MYO3B: variants seen among roughly 807,000 people sequenced by gnomAD.
MYO3B encodes myosin-IIIb.
In MYO3B, 156 loss-of-function variants were observed where a neutral mutation model predicts 174.6. The ratio of observed to expected loss-of-function variants is 0.89; its 90% CI spans 0.78 to 1.02. MYO3B has a LOEUF of 1.02. Among genes scored for constraint, MYO3B ranks in the 50% least tolerant of loss-of-function variants. MYO3B has a pLI of 0.00. For missense variants in MYO3B, 1,632 were observed against 1,639.4 expected (o/e 1.00, Z 0.08); for synonymous variants, 563 against 569.1 (o/e 0.99, Z 0.15).
Position 170,400,095 on chromosome 2 carries a change from T to A in MYO3B, c.1792-93T>A, listed in dbSNP as rs1360698807. ...CCAGGAAAAGAGGGAGAATGGACTT[T>A]GGTAGACAACTAGTAGTTTCCACTA... On this transcript the variant is annotated intron_variant, in intron 16 of 34. Transcript: ENST00000408978. 9.3e-5 allele frequency: 142 copies of A among 1,528,654 alleles called. 1 individual carries two copies. The highest frequency in any genetic ancestry group is 1.1e-4 in the Non-Finnish European group (119 of 1,117,062). The allele number at this position is 1,528,654 out of a possible 1,614,324, so 94.7% of individuals were successfully genotyped here.
intron 25 of MYO3B, among the ~76,000 whole-genome samples, chr2:170,472,006 AACTC>A (rs1412263484): frequency 6.6e-6 from 1 of 151,832 alleles, no homozygotes; most frequent in Non-Finnish European, 1.5e-5. Flanking sequence ...AAAAAAAAAA[AACTC>A]ACTTGACCAA....
chr2:170,453,456 G>C (rs62170688), intron 23 of MYO3B, among the ~76,000 whole-genome samples: 2 of 40,484 alleles, frequency 4.9e-5, no homozygotes, highest in African/African-American at 8.4e-5. Context: ...ACACACACGA[G>C]AGAGAGAGAG....
chr2:170,269,224 C>A (rs1238708671), intron 7 of MYO3B, among the ~76,000 whole-genome samples: 2 of 152,132 alleles, frequency 1.3e-5, no homozygotes, highest in Non-Finnish European at 2.9e-5. Context: ...AACATTTTTT[C>A]CTAGGCTCCA....
At chr2:170,600,808 A>G (rs1056088746) in intron 32 of MYO3B, among the ~76,000 whole-genome samples, 1 of 152,228 alleles carries the variant, frequency 6.6e-6, no homozygotes, top group African/African-American at 2.4e-5. Flanking sequence ...TAGAGTCCTC[A>G]TGTAAAGGAT....
chr2:170,497,991 A>G (rs908873810), intron 25 of MYO3B, among the ~76,000 whole-genome samples: 1 of 150,154 alleles, frequency 6.7e-6, no homozygotes, highest in African/African-American at 2.4e-5. Context: ...CCTTCACTAC[A>G]GTGTTCTTCT....
intron 23 of MYO3B, among the ~76,000 whole-genome samples, chr2:170,447,976 C>G (rs1222480515): frequency 1.3e-5 from 2 of 152,106 alleles, no homozygotes; most frequent in Non-Finnish European, 2.9e-5. Flanking sequence ...TCCATCGAGT[C>G]CAGGGTCTGT....
intron 18 of MYO3B, 84 bp downstream of exon 18, chr2:170,401,775 G>T: frequency 8.3e-7 from 1 of 1,211,746 alleles, no homozygotes; most frequent in Non-Finnish European, 1.2e-6. Context: ...GAAGCATTTG[G>T]TCCTCTCTGG....
intron 32 of MYO3B, chr2:170,641,366 T>C (rs1697933909): frequency 6.6e-6 from 1 of 152,226 alleles, no homozygotes; most frequent in African/African-American, 2.4e-5. Context: ...GAAGTGTATT[T>C]TGCTGCACAA....
intron 3 of MYO3B, among the ~76,000 whole-genome samples, chr2:170,209,051 C>T (rs929838981): frequency 2.6e-5 from 4 of 152,244 alleles, no homozygotes; most frequent in Non-Finnish European, 5.9e-5. Context: ...ACAGGTACTG[C>T]GTAGATAAGG....
intron 9 of MYO3B, among the ~76,000 whole-genome samples, chr2:170,370,323 T>C (rs1158484842): frequency 6.6e-6 from 1 of 152,166 alleles, no homozygotes; most frequent in African/African-American, 2.4e-5. Flanking sequence ...AAGCCAAACA[T>C]TGGCATCCAA....
rs60488052 is a variant in MYO3B, at chr2:170,507,100, C to A, written c.3370+5235C>A. 6.5e-3 allele frequency among the ~76,000 whole-genome samples: 984 copies of A among 152,338 alleles called. 12 individuals carry two copies. The highest frequency in any genetic ancestry group is 0.022 in the African/African-American group (918 of 41,586). On this transcript the variant is annotated intron_variant, in intron 28 of 34. Coordinates refer to ENST00000408978, the MANE Select transcript of MYO3B (RefSeq NM_138995.5). ...AAGACAAGATCCAAACTCTTCTTGG[C>A]CGTAGGGCAGGAGGCAGCTGCTTCT...
chr2:170,546,469 G>T (rs1472451532), intron 32 of MYO3B, among the ~76,000 whole-genome samples: 8 of 152,196 alleles, frequency 5.3e-5, no homozygotes, highest in Non-Finnish European at 5.9e-5. Flanking sequence ...TGTTTCTGAG[G>T]CAAGCTCCAA....
intron 23 of MYO3B, 133 bp downstream of exon 23, chr2:170,444,179 G>A (rs2094823579): frequency 1.7e-6 from 1 of 597,384 alleles, no homozygotes; most frequent in Non-Finnish European, 2.8e-6. Context: ...GAGATTAAAG[G>A]CATTTAGGAA....
chr2:170,215,279 T>G (rs2092815524), intron 5 of MYO3B, among the ~76,000 whole-genome samples: 1 of 152,180 alleles, frequency 6.6e-6, no homozygotes, highest in African/African-American at 2.4e-5. Context: ...GCTAACATCC[T>G]TTTAAATTGT....
intron 1 of MYO3B, among the ~76,000 whole-genome samples, chr2:170,190,757 C>T (rs936864385): frequency 1.3e-4 from 20 of 152,088 alleles, no homozygotes; most frequent in African/African-American, 4.8e-4. Context: ...CTTCCCCAAC[C>T]CCTGGCCCAG....
rs1186605092 is a variant in MYO3B, at chr2:170,401,687, A to T, written c.2125A>T (p.Ile709Leu). ...TACACTCCTGCAGCCAGACGAAAAC[A>T]TATGGCAAGTTCCTCGGAGAGCAGA... is the stretch of plus-strand genomic sequence containing the variant. ...INTLLQPDENICSAGGGMNVG... is the reference protein window; with the variant it reads ...INTLLQPDENLCSAGGGMNVG... The change falls in exon 18 of 35, where the codon ATA (isoleucine) becomes TTA (leucine). Residue 709 changes from isoleucine to leucine, a missense_variant. By Grantham distance (5) the Ile-to-Leu change is conservative. Transcript: ENST00000408978. 2.5e-6 allele frequency: 4 copies of T among 1,613,276 alleles called. No homozygotes were observed. In the South Asian group the frequency reaches 4.4e-5, roughly 18 times the overall value.
chr2:170,324,692 G>T (rs1190764144), intron 7 of MYO3B, among the ~76,000 whole-genome samples: 2 of 152,228 alleles, frequency 1.3e-5, no homozygotes, highest in South Asian at 2.1e-4. Context: ...TTGTGATGCT[G>T]GAGTGGACTT....
intron 1 of MYO3B, among the ~76,000 whole-genome samples, chr2:170,182,181 G>A (rs1574534565): frequency 1.3e-5 from 2 of 151,554 alleles, no homozygotes; most frequent in East Asian, 3.9e-4. Context: ...TTTTTCTTAG[G>A]GCTTGTGAGT....
At chr2:170,465,910 C>T (rs1684595972) in intron 24 of MYO3B, among the ~76,000 whole-genome samples, 1 of 152,188 alleles carries the variant, frequency 6.6e-6, no homozygotes, top group African/African-American at 2.4e-5. Context: ...CCCTCACAAG[C>T]ACCCCCCTGA....
Sources: gnomAD v4.1 joint callset for allele counts (sites outside exome capture counted in the v4.1 genomes callset) on GRCh38, gnomAD v4.1.1 for gene constraint, MANE v1.5 for transcripts, NCBI Gene and HGNC (gene_info 2026-07-23, HGNC 2026-07-21) for gene names.